The following ANKRD44 variants were observed in gnomAD, a reference collection of about 807,000 sequenced individuals.
ANKRD44 encodes ankyrin repeat domain 44.
A neutral mutation model predicts 116.0 loss-of-function variants in ANKRD44; 35 were observed. That is an observed-to-expected ratio of 0.30 (90% CI 0.23 to 0.40). The LOEUF (loss-of-function observed/expected upper bound fraction) is 0.40, where lower values mean the gene tolerates loss of function less well. Ranked by LOEUF, ANKRD44 falls within the 10% of genes least tolerant of loss-of-function variation. ANKRD44 has a pLI of 1.00. For missense variants in ANKRD44, 1,014 were observed against 1,242.6 expected (o/e 0.82, Z 2.77); for synonymous variants, 435 against 461.8 (o/e 0.94, Z 0.74).
At chr2:197,280,898 C>T (rs2083244931) in intron 1 of ANKRD44, among the ~76,000 whole-genome samples, 1 of 152,018 alleles carries the variant, frequency 6.6e-6, no homozygotes, top group Admixed American at 6.6e-5. Flanking sequence ...TTTGTCTTTA[C>T]TTAAAAAACA....
At chr2:197,078,493 G>T in intron 16 of ANKRD44, 1 of 1,344,386 alleles carries the variant, frequency 7.4e-7, no homozygotes, top group Non-Finnish European at 9.8e-7. Context: ...TAAAAGCCTT[G>T]GGTGGTGGTG....
In ANKRD44 at chr2:197,089,540, C is replaced by T. The variant is rs1045357472; in HGVS notation, c.1183+410G>A. 1.4e-4 allele frequency among the ~76,000 whole-genome samples: 22 copies of T among 152,320 alleles called. No individual in the cohort carries two copies. In the Middle Eastern group the frequency reaches 0.014, roughly 94 times the overall value. ...CAGTGCCCAGGGAGTGGGAAAGTAA[C>T]ATGACATTCTCTACCACCAGATGTA... On this transcript the variant is annotated intron_variant, in intron 11 of 27. Coordinates refer to ENST00000282272, the MANE Select transcript of ANKRD44 (RefSeq NM_001195144.2).
At chr2:197,267,071 GAATAAAGGGAATA>G (rs1474939286) in intron 1 of ANKRD44, among the ~76,000 whole-genome samples, 8 of 103,114 alleles carry the variant, frequency 7.8e-5, no homozygotes, top group Admixed American at 9.6e-5. Context: ...ATGAATGAAT[GAATAAAGGGAATA>G]AAGGTTTAGC....
intron 3 of ANKRD44, among the ~76,000 whole-genome samples, chr2:197,142,625 C>T (rs1438729028): frequency 6.6e-6 from 1 of 152,100 alleles, no homozygotes; most frequent in African/African-American, 2.4e-5. Context: ...TTTATAATTG[C>T]ACCACATTTG....
chr2:197,218,706 T>G (rs1410812004), intron 1 of ANKRD44, among the ~76,000 whole-genome samples: 2 of 150,186 alleles, frequency 1.3e-5, no homozygotes, highest in African/African-American at 4.9e-5. Context: ...AAAACACAGT[T>G]GCCTGATGCC....
rs540216495 is a variant in ANKRD44 at position 197,291,599 on chromosome 2, G to A, written c.27+18979C>T. Among the ~76,000 whole-genome samples the A allele has an allele frequency of 1.5e-3, 228 of 152,276 alleles. 1 individual carries two copies. Among genetic ancestry groups the A allele is most frequent in the Middle Eastern group, 6.8e-3 (2 of 294 alleles). ...ACCCAGCCAAATTCTGCATGAGAAA[G>A]TGGAATAGAAGTATAAGCTCAAGGA... On this transcript the variant is annotated intron_variant, in intron 1 of 27. Coordinates refer to ENST00000282272, the MANE Select transcript of ANKRD44 (RefSeq NM_001195144.2).
intron 17 of ANKRD44, among the ~76,000 whole-genome samples, chr2:197,017,074 G>T (rs1352505769): frequency 6.6e-6 from 1 of 152,084 alleles, no homozygotes; most frequent in African/African-American, 2.4e-5. Context: ...ATTAAAGTTT[G>T]GTCATGCCCA....
intron 2 of ANKRD44, among the ~76,000 whole-genome samples, chr2:197,186,695 A>C (rs1333891512): frequency 1.5e-5 from 2 of 136,920 alleles, no homozygotes; most frequent in African/African-American, 2.7e-5. Context: ...TCCTGGGCTC[A>C]AGTGATCTGC....
In ANKRD44 at chr2:196,970,057, A is replaced by G. The variant is rs537128403; in HGVS notation, c.2369-2611T>C. ...GGGACTTTAAAATCAGTCTTGTGTT[A>G]ACTCTACATTTACTACATTTTTTCA... On this transcript the variant is annotated intron_variant, in intron 21 of 21. Transcript: ENST00000424317. 1.1e-4 allele frequency among the ~76,000 whole-genome samples: 17 copies of G among 152,324 alleles called. 1 individual carries two copies. In the Middle Eastern group the frequency reaches 0.02, roughly 183 times the overall value.
At chr2:197,253,219 C>T (rs1424650964) in intron 1 of ANKRD44, among the ~76,000 whole-genome samples, 2 of 152,034 alleles carry the variant, frequency 1.3e-5, no homozygotes, top group Non-Finnish European at 2.9e-5. Flanking sequence ...TTTTATACTT[C>T]AGGGAAAATT....
In ANKRD44 at chr2:197,196,106, T is replaced by C. The variant is rs76781739; in HGVS notation, c.28-9000A>G. On this transcript the variant is annotated intron_variant, in intron 1 of 27. Transcript: ENST00000282272. ...TGCAACAGTTTCCTGTTTTGAAAAA[T>C]TGGTATAGAGGTTTTATTTCTCATC... Among the ~76,000 whole-genome samples the C allele has an allele frequency of 6.6e-3, 1,007 of 152,282 alleles. 13 individuals carry two copies. The highest frequency in any genetic ancestry group is 0.017 in the Middle Eastern group (5 of 294).
In ANKRD44 at chr2:197,122,769, G is replaced by C; in HGVS notation, c.574C>G (p.Leu192Val). Reference protein sequence around the residue: ...YMGHLDVVALLINHGAEVTCK... With the variant: ...YMGHLDVVALVINHGAEVTCK... ...GTCACTTCTGCGCCATGGTTAATGA[G>C]CAATGCTACAACATCCAAGTGGCCT... Residue 192 changes from leucine to valine, a missense_variant, in exon 7 of 28, where the codon CTC becomes GTC. Coordinates refer to ENST00000282272, the MANE Select transcript of ANKRD44 (RefSeq NM_001195144.2). The C allele has an allele frequency of 1.2e-6, 2 of 1,614,078 alleles. No homozygotes were observed. The highest frequency in any genetic ancestry group is 1.7e-6 in the Non-Finnish European group (2 of 1,179,978).
chr2:197,175,423 T>C (rs1181102846), intron 2 of ANKRD44, among the ~76,000 whole-genome samples: 1 of 152,140 alleles, frequency 6.6e-6, no homozygotes, highest in Non-Finnish European at 1.5e-5. Flanking sequence ...AGAAAAGGCA[T>C]ATATGAAAAG....
At chr2:197,197,703 G>A (rs376526782) in intron 1 of ANKRD44, among the ~76,000 whole-genome samples, 6 of 151,706 alleles carry the variant, frequency 4.0e-5, no homozygotes, top group African/African-American at 7.3e-5. Context: ...CCAGCGACTC[G>A]GGAGGCTGAG....
At chr2:197,186,629 T>C (rs1048697977) in intron 2 of ANKRD44, among the ~76,000 whole-genome samples, 5 of 108,262 alleles carry the variant, frequency 4.6e-5, no homozygotes, top group South Asian at 3.1e-4. Flanking sequence ...TTTTTTTTTT[T>C]TTTTTTTTTT....
At chr2:197,172,001 T>C (rs1211201114) in intron 2 of ANKRD44, among the ~76,000 whole-genome samples, 1 of 123,386 alleles carries the variant, frequency 8.1e-6, no homozygotes, top group African/African-American at 4.2e-5. Flanking sequence ...TTTTTCTTCT[T>C]TTTTTTTTTT....
intron 9 of ANKRD44, among the ~76,000 whole-genome samples, chr2:197,109,717 A>G (rs1329793325): frequency 2.4e-5 from 2 of 83,626 alleles, no homozygotes; most frequent in Non-Finnish European, 3.3e-5. Context: ...AAAAATAGGA[A>G]CTGCCAGATT....
chr2:197,222,561 C>T (rs2081608880), intron 1 of ANKRD44, among the ~76,000 whole-genome samples: 1 of 152,088 alleles, frequency 6.6e-6, no homozygotes, highest in South Asian at 2.1e-4. Context: ...GTTGGTTTTT[C>T]AGTGGGTGTG....
chr2:197,206,487 C>T (rs994750080), intron 1 of ANKRD44, among the ~76,000 whole-genome samples: 3 of 152,120 alleles, frequency 2.0e-5, no homozygotes, highest in Admixed American at 1.3e-4. Context: ...AGTTTGAGAC[C>T]AGCCTGGCCA....
Sources: gnomAD v4.1 joint callset for allele counts (sites outside exome capture counted in the v4.1 genomes callset) on GRCh38, gnomAD v4.1.1 for gene constraint, MANE v1.5 for transcripts, NCBI Gene and HGNC (gene_info 2026-07-23, HGNC 2026-07-21) for gene names.